PAM: variants seen among roughly 807,000 people sequenced by gnomAD.
The protein encoded by PAM is peptidyl-glycine alpha-amidating monooxygenase.
In PAM, 72 loss-of-function variants were observed where a neutral mutation model predicts 122.1. The ratio of observed to expected loss-of-function variants is 0.59; its 90% confidence interval spans 0.49 to 0.72. PAM has a LOEUF of 0.72. Ranked by LOEUF, PAM falls within the 30% of genes least tolerant of loss-of-function variation. The pLI is 0.00. For missense variants in PAM, 1,106 were observed against 1,183.7 expected, an observed-to-expected ratio of 0.93 and a Z score of 0.96; for synonymous variants, 389 against 404.4, an observed-to-expected ratio of 0.96 and a Z score of 0.46.
chr5:102,939,654 C>G (rs2151883791), intron 7 of PAM, among the ~76,000 whole-genome samples: 1 of 152,096 alleles, frequency 6.6e-6, no homozygotes, highest in Admixed American at 6.6e-5. Context: ...AATCCTCATA[C>G]TACATTACTA....
At chr5:102,877,856 C>A (rs1053115527) in intron 3 of PAM, among the ~76,000 whole-genome samples, 1 of 151,866 alleles carries the variant, frequency 6.6e-6, no homozygotes, top group African/African-American at 2.4e-5. Flanking sequence ...GGAGAGATCC[C>A]CATCTCTACA....
chr5:102,964,411 G>A (rs916188236), intron 14 of PAM, among the ~76,000 whole-genome samples: 3 of 151,868 alleles, frequency 2.0e-5, no homozygotes, highest in Non-Finnish European at 4.4e-5. Flanking sequence ...CTGGTGTAAA[G>A]CAAGTGTACC....
At chr5:102,814,095 G>T (rs1369726067) in intron 1 of PAM, among the ~76,000 whole-genome samples, 4 of 152,192 alleles carry the variant, frequency 2.6e-5, no homozygotes. Context: ...GTTCCCGTGT[G>T]CTTTTTCTTT....
At chr5:102,946,796 A>G (rs778949237) in intron 7 of PAM, 41 bp from the exon 8 acceptor site, 1 of 1,255,360 alleles carries the variant, frequency 8.0e-7, no homozygotes, top group South Asian at 1.2e-5. Context: ...CATTTTCTAC[A>G]TTATCATATT....
At chr5:102,860,699 T>A (rs1397808733) in intron 1 of PAM, among the ~76,000 whole-genome samples, 2 of 150,976 alleles carry the variant, frequency 1.3e-5, no homozygotes, top group Non-Finnish European at 3.0e-5. Flanking sequence ...AAAAAAAAAA[T>A]AATAAAATAA....
chr5:103,011,219 T>C (rs1398876491), intron 21 of PAM, among the ~76,000 whole-genome samples: 2 of 152,166 alleles, frequency 1.3e-5, no homozygotes, highest in Non-Finnish European at 1.5e-5. Flanking sequence ...TTCCCATCTT[T>C]ATCTATACTC....
At chr5:102,920,811 T>C (rs925539239) in intron 5 of PAM, among the ~76,000 whole-genome samples, 6 of 151,884 alleles carry the variant, frequency 4.0e-5, no homozygotes, top group African/African-American at 1.4e-4. Context: ...TTTTTTTTTT[T>C]AGCCAAAAGA....
intron 14 of PAM, among the ~76,000 whole-genome samples, chr5:102,969,561 T>C (rs770277366): frequency 1.2e-4 from 19 of 152,090 alleles, no homozygotes; most frequent in Non-Finnish European, 2.1e-4. Context: ...GAGGGAAAAG[T>C]TGATGTTGCA....
intron 1 of PAM, among the ~76,000 whole-genome samples, chr5:102,772,685 A>C (rs1209256541): frequency 3.3e-5 from 5 of 152,140 alleles, no homozygotes; most frequent in African/African-American, 1.2e-4. Context: ...TACAGCTATA[A>C]AATAAAACAC....
chr5:103,019,894 A>G, intron 23 of PAM, 51 bp downstream of exon 23: 1 of 1,067,046 alleles, frequency 9.4e-7, no homozygotes, highest in East Asian at 2.4e-5. Context: ...GCTGTGTTGA[A>G]TTCTTTTATG....
At chr5:102,915,376 A>G (rs1802795254) in intron 5 of PAM, among the ~76,000 whole-genome samples, 1 of 152,134 alleles carries the variant, frequency 6.6e-6, no homozygotes, top group African/African-American at 2.4e-5. Context: ...TGGACCAAGT[A>G]CCGTCAAAGC....
chr5:102,817,742 T>C (rs901956036), intron 1 of PAM, among the ~76,000 whole-genome samples: 1 of 152,032 alleles, frequency 6.6e-6, no homozygotes, highest in African/African-American at 2.4e-5. Flanking sequence ...TATCAGATCA[T>C]GTCTCTCCTC....
intron 1 of PAM, among the ~76,000 whole-genome samples, chr5:102,763,495 G>GCAACAA (rs577277120): frequency 6.6e-6 from 1 of 152,014 alleles, no homozygotes; most frequent in African/African-American, 2.4e-5. Context: ...ACACACGACA[G>GCAACAA]CAACAACAAC....
intron 1 of PAM, among the ~76,000 whole-genome samples, chr5:102,760,066 T>C (rs1261371628): frequency 1.3e-5 from 2 of 152,210 alleles, no homozygotes; most frequent in African/African-American, 4.8e-5. Flanking sequence ...GCATGTCTTG[T>C]GAGCAAAGGC....
chr5:102,780,616 A>G (rs997834373), intron 1 of PAM, among the ~76,000 whole-genome samples: 1 of 151,576 alleles, frequency 6.6e-6, no homozygotes, highest in Non-Finnish European at 1.5e-5. Context: ...ACTCCTGCCT[A>G]CTCTTGCTGG....
At chr5:102,847,540 A>G (rs1461832908) in intron 1 of PAM, among the ~76,000 whole-genome samples, 2 of 152,196 alleles carry the variant, frequency 1.3e-5, no homozygotes, top group African/African-American at 4.8e-5. Flanking sequence ...GATGCAGTGA[A>G]TGCAACTCTT....
intron 23 of PAM, among the ~76,000 whole-genome samples, chr5:103,022,395 T>C (rs964306785): frequency 2.0e-5 from 3 of 152,102 alleles, no homozygotes; most frequent in Non-Finnish European, 4.4e-5. Context: ...GTCCAAGTTA[T>C]TCCAATTCCA....
chr5:102,957,692 G>A (rs1276929362), intron 12 of PAM, among the ~76,000 whole-genome samples: 1 of 152,040 alleles, frequency 6.6e-6, no homozygotes. Context: ...ACTGCGCCCA[G>A]CTAATTTTTG....
At chr5:102,895,722 G>A (rs1796022091) in intron 3 of PAM, among the ~76,000 whole-genome samples, 1 of 151,662 alleles carries the variant, frequency 6.6e-6, no homozygotes, top group African/African-American at 2.4e-5. Flanking sequence ...TATTGTCTCA[G>A]TATCAAATAT....
Sources: gnomAD v4.1 joint callset for allele counts (sites outside exome capture counted in the v4.1 genomes callset) on GRCh38, gnomAD v4.1.1 for gene constraint, MANE v1.5 for transcripts, NCBI Gene and HGNC (gene_info 2026-07-23, HGNC 2026-07-21) for gene names.